The following CELF2 variants were observed in gnomAD, a reference collection of about 807,000 sequenced individuals.
The protein encoded by CELF2 is CUGBP Elav-like family member 2, also known as CUG triplet repeat RNA-binding protein 2.
CELF2 carries 8 observed loss-of-function variants against 62.6 expected under a neutral mutation model. That is an observed-to-expected ratio of 0.13 (90% CI 0.07 to 0.23). The LOEUF is 0.23. Among genes scored for constraint, CELF2 ranks in the 10% least tolerant of loss-of-function variants. CELF2 has a pLI of 1.00. For missense variants in CELF2, 333 were observed against 671.0 expected, an observed-to-expected ratio of 0.50 and a Z score of 5.56; for synonymous variants, 258 against 250.0, an observed-to-expected ratio of 1.03 and a Z score of -0.30.
At chr10:11,233,765 G>C (rs1467547011) in intron 3 of CELF2, among the ~76,000 whole-genome samples, 1 of 152,220 alleles carries the variant, frequency 6.6e-6, no homozygotes, top group African/African-American at 2.4e-5. Flanking sequence ...GGCACCTCTA[G>C]AATTGCTCCG....
chr10:10,475,260 A>G, the CELF2 span, among the ~76,000 whole-genome samples: 2 of 152,028 alleles, frequency 1.3e-5, no homozygotes, highest in African/African-American at 4.8e-5. Context: ...AGATGGAAAG[A>G]GATGACAGAA....
chr10:11,331,293 AAAAG>A lies in CELF2; in HGVS notation c.*2243_*2246del, dbSNP rs2096010433. ...TGGTTTACTTAATACAAAAAAAAAA[AAAAG>A]AATTTCAAAAAAAAAAGTTGTTTGC... On this transcript the variant is annotated 3_prime_UTR_variant, in exon 13 of 13. Coordinates refer to ENST00000633077, the MANE Select transcript of CELF2 (RefSeq NM_001326342.2). The A allele has an allele frequency of 2.0e-5, 3 of 152,190 alleles. No homozygotes were observed. Among genetic ancestry groups the A allele is most frequent in the African/African-American group, 4.8e-5 (2 of 41,362 alleles). The allele number at this position is 152,190 out of a possible 1,614,324, so 9.4% of individuals were successfully genotyped here.
chr10:11,215,597 T>G (rs979273034), intron 2 of CELF2, among the ~76,000 whole-genome samples: 66 of 152,306 alleles, frequency 4.3e-4, no homozygotes, highest in African/African-American at 1.5e-3. Flanking sequence ...TCTGCTTTTT[T>G]TTTTTTTTAA....
rs140183411 is a variant in CELF2 at position 10,936,910 on chromosome 10, G to A, written c.89+16911G>A. On this transcript the variant is annotated intron_variant, in intron 2 of 13. Transcript: ENST00000636488. This position sits in a 1 kb window ranked among gnomAD's most constrained non-coding sequence, Gnocchi z 4.0. ...GACAAGCTCCCACGGGGTTTCTGAT[G>A]ATTCTGGTCCTCAGACCATCCTTTG... 1.3e-5 allele frequency among the ~76,000 whole-genome samples: 2 copies of A among 152,082 alleles called. No individual in the cohort carries two copies. The highest frequency in any genetic ancestry group is 4.8e-5 in the African/African-American group (2 of 41,414).
chr10:10,905,812 A>C (rs1045185787), intron 1 of CELF2, among the ~76,000 whole-genome samples: 8 of 151,790 alleles, frequency 5.3e-5, no homozygotes, highest in African/African-American at 1.9e-4. Flanking sequence ...CAGGAGGCGG[A>C]GCTTGCAGTG....
At chr10:11,204,046 G>A (rs953586885) in intron 2 of CELF2, among the ~76,000 whole-genome samples, 15 of 152,252 alleles carry the variant, frequency 9.9e-5, no homozygotes, top group South Asian at 2.1e-4. Context: ...CATCAGCCCC[G>A]TTTTCTTCTT....
chr10:11,070,968 G>A (rs2069760856), intron 1 of CELF2, among the ~76,000 whole-genome samples: 2 of 152,316 alleles, frequency 1.3e-5, no homozygotes, highest in South Asian at 4.1e-4. Context: ...TGGAAGGTAA[G>A]AAAAGAAGGG....
the CELF2 span, among the ~76,000 whole-genome samples, chr10:10,792,720 C>T: frequency 2.0e-5 from 3 of 152,092 alleles, no homozygotes; most frequent in Non-Finnish European, 4.4e-5. Context: ...TAACAAAGGC[C>T]GACTGGAAAT....
chr10:11,202,870 A>G (rs1482189907), intron 2 of CELF2, among the ~76,000 whole-genome samples: 5 of 145,044 alleles, frequency 3.4e-5, no homozygotes, highest in African/African-American at 1.3e-4. Context: ...AGAGTGGTCT[A>G]CCACATGCCT....
chr10:11,283,015 G>C (rs1406821241), intron 8 of CELF2, among the ~76,000 whole-genome samples: 1 of 152,200 alleles, frequency 6.6e-6, no homozygotes, highest in Non-Finnish European at 1.5e-5. Flanking sequence ...CGATCCTTTA[G>C]CCTCAGCCTC....
the CELF2 span, among the ~76,000 whole-genome samples, chr10:10,518,869 T>C: frequency 2.6e-5 from 4 of 152,312 alleles, no homozygotes; most frequent in African/African-American, 4.8e-5. Flanking sequence ...ATTCATGTAA[T>C]TGGGACAGCA....
At chr10:11,294,908 TCAACAA>T (rs755008920) in intron 9 of CELF2, among the ~76,000 whole-genome samples, 1 of 152,148 alleles carries the variant, frequency 6.6e-6, no homozygotes. Flanking sequence ...AGGCTCTTTC[TCAACAA>T]CAACAACAAC....
At chr10:10,513,887 C>T in the CELF2 span, among the ~76,000 whole-genome samples, 1 of 152,124 alleles carries the variant, frequency 6.6e-6, no homozygotes, top group African/African-American at 2.4e-5. Flanking sequence ...TCTCCCTAAG[C>T]AAAGCCTAGG....
intron 1 of CELF2, among the ~76,000 whole-genome samples, chr10:10,853,813 A>G (rs1332253992): frequency 2.0e-5 from 3 of 152,116 alleles, no homozygotes; most frequent in African/African-American, 7.2e-5. Context: ...TCCTCCGAGA[A>G]AATCAGGAAG....
the CELF2 span, among the ~76,000 whole-genome samples, chr10:10,565,716 T>G: frequency 2.0e-5 from 3 of 152,240 alleles, no homozygotes; most frequent in Admixed American, 6.5e-5. Context: ...GACTTCCTTT[T>G]AATAAGCACG....
intron 3 of CELF2, among the ~76,000 whole-genome samples, chr10:11,240,806 G>A (rs577478335): frequency 5.9e-5 from 9 of 152,302 alleles, no homozygotes; most frequent in Non-Finnish European, 1.0e-4. Context: ...TATGTGTAGC[G>A]TGGAAGAGGG....
chr10:11,117,320 T>C lies in CELF2; in HGVS notation c.75-48166T>C, dbSNP rs1416511833. ...TAGTCACCTTTCTGAGTTGCTTTCT[T>C]CATTCAACGGGTGTAACAATATAAA... On this transcript the variant is annotated intron_variant, in intron 1 of 12. Coordinates refer to ENST00000633077, the MANE Select transcript of CELF2 (RefSeq NM_001326342.2). This position sits in a 1 kb window ranked among gnomAD's most constrained non-coding sequence, Gnocchi z 4.1. Among the ~76,000 whole-genome samples, 1 of 152,228 alleles carries C rather than the reference T, an allele frequency of 6.6e-6. No homozygotes were observed. Among genetic ancestry groups the C allele is most frequent in the Non-Finnish European group, 1.5e-5 (1 of 68,040 alleles).
At chr10:10,604,395 G>T in the CELF2 span, among the ~76,000 whole-genome samples, 1 of 152,132 alleles carries the variant, frequency 6.6e-6, no homozygotes, top group African/African-American at 2.4e-5. Context: ...AAATCATCAG[G>T]TTCTATGGTT....
rs750013632 is a variant in CELF2, at chr10:11,314,252, C to G, written c.1090C>G (p.Leu364Val). 6.2e-7 allele frequency: 1 copy of G among 1,614,216 alleles called. No individual in the cohort carries two copies. Among genetic ancestry groups the G allele is most frequent in the Non-Finnish European group, 8.5e-7 (1 of 1,180,018 alleles). The change falls in exon 10 of 13, where the codon CTA (leucine) becomes GTA (valine). Residue 364 changes from leucine (L) to valine (V), a missense_variant. Coordinates refer to ENST00000633077, the MANE Select transcript of CELF2 (RefSeq NM_001326342.2). The surrounding 1 kb of genome is among the most constrained non-coding windows in gnomAD (Gnocchi z 5.3). ...ATVGLNNINA[L>V]AVAQMLSGMA... ...TGTTGGACTGAATAATATTAATGCA[C>G]TAGCAGGTACCATCAACAGTGAGTA...
Sources: gnomAD v4.1 joint callset for allele counts (sites outside exome capture counted in the v4.1 genomes callset) on GRCh38, gnomAD v4.1.1 for gene constraint, Gnocchi (gnomAD v3.1) non-coding constraint, MANE v1.5 for transcripts, NCBI Gene and HGNC (gene_info 2026-07-23, HGNC 2026-07-21) for gene names.